ADCY8: variants seen among roughly 807,000 people sequenced by gnomAD.
ADCY8 encodes the protein adenylate cyclase type 8.
A neutral mutation model predicts 119.7 loss-of-function variants in ADCY8; 51 were observed. The ratio of observed to expected loss-of-function variants is 0.43; its 90% CI spans 0.34 to 0.54. ADCY8 has a LOEUF of 0.54. Among genes scored for constraint, ADCY8 ranks in the 20% least tolerant of loss-of-function variants. ADCY8 has a pLI of 0.03. For synonymous variants in ADCY8, 665 were observed against 651.0 expected (o/e 1.02, Z -0.33); for missense variants, 1,383 against 1,598.8 (o/e 0.87, Z 2.30).
At chr8:130,962,149 C>A (rs1412678228) in intron 2 of ADCY8, among the ~76,000 whole-genome samples, 1 of 152,174 alleles carries the variant, frequency 6.6e-6, no homozygotes, top group African/African-American at 2.4e-5. Flanking sequence ...CCCAGCTCCT[C>A]CCTCTGTAAA....
At chr8:130,807,646 T>C (rs1816008847) in intron 14 of ADCY8, among the ~76,000 whole-genome samples, 1 of 152,168 alleles carries the variant, frequency 6.6e-6, no homozygotes, top group South Asian at 2.1e-4. Context: ...TCTTGGACTT[T>C]CCATTCTCCA....
At chr8:131,010,084 C>T (rs1823252583) in intron 1 of ADCY8, among the ~76,000 whole-genome samples, 2 of 152,240 alleles carry the variant, frequency 1.3e-5, no homozygotes, top group Non-Finnish European at 1.5e-5. Flanking sequence ...GCTCACCTAA[C>T]TTGCCCAAGA....
chr8:130,930,561 A>AT (rs1820603743), intron 5 of ADCY8, among the ~76,000 whole-genome samples: 1 of 151,754 alleles, frequency 6.6e-6, no homozygotes, highest in African/African-American at 2.4e-5. Flanking sequence ...TCTTGCTTCT[A>AT]TTTTTTGTGT....
chr8:130,842,084 T>C (rs1817163085), intron 11 of ADCY8, among the ~76,000 whole-genome samples: 1 of 152,236 alleles, frequency 6.6e-6, no homozygotes, highest in Admixed American at 6.5e-5. Context: ...GGTGCTCTAG[T>C]ACACTCCTAG....
At chr8:130,877,686 A>C (rs998790615) in intron 8 of ADCY8, among the ~76,000 whole-genome samples, 4 of 152,196 alleles carry the variant, frequency 2.6e-5, no homozygotes, top group Non-Finnish European at 4.4e-5. Flanking sequence ...GAGAGAAACA[A>C]TCCTTATCTT....
At chr8:130,883,261 G>C (rs577807487) in intron 8 of ADCY8, among the ~76,000 whole-genome samples, 38 of 152,290 alleles carry the variant, frequency 2.5e-4, no homozygotes, top group African/African-American at 8.4e-4. Flanking sequence ...AAAGCAATCT[G>C]CTCTTCATCC....
At chr8:131,038,305 A>G (rs568644904) in intron 1 of ADCY8, among the ~76,000 whole-genome samples, 9 of 152,308 alleles carry the variant, frequency 5.9e-5, no homozygotes, top group Admixed American at 5.2e-4. Context: ...GAGGCTAACG[A>G]CAGAGCAGGC....
intron 8 of ADCY8, among the ~76,000 whole-genome samples, chr8:130,876,103 T>G (rs1451532711): frequency 6.6e-6 from 1 of 151,922 alleles, no homozygotes; most frequent in Admixed American, 6.6e-5. Context: ...CAGGCTGGAG[T>G]GCAGTGGTGC....
chr8:130,885,343 G>A (rs1262412867), intron 7 of ADCY8, among the ~76,000 whole-genome samples: 1 of 151,806 alleles, frequency 6.6e-6, no homozygotes, highest in Non-Finnish European at 1.5e-5. Flanking sequence ...CCTCAGCATA[G>A]GCCATTATAT....
chr8:130,909,590 T>G (rs1276105817), intron 6 of ADCY8, 118 bp downstream of exon 6: 1 of 1,216,210 alleles, frequency 8.2e-7, no homozygotes, highest in Non-Finnish European at 1.2e-6. Flanking sequence ...GTGTCTGGTC[T>G]CCTTCCAAAT....
intron 15 of ADCY8, among the ~76,000 whole-genome samples, chr8:130,795,629 A>T (rs1434682945): frequency 6.6e-6 from 1 of 152,238 alleles, no homozygotes; most frequent in Admixed American, 6.5e-5. Context: ...GGGTGGACAG[A>T]CAGGCAGACG....
At chr8:130,830,237 G>A (rs1816790611) in intron 12 of ADCY8, among the ~76,000 whole-genome samples, 1 of 152,148 alleles carries the variant, frequency 6.6e-6, no homozygotes, top group Non-Finnish European at 1.5e-5. Flanking sequence ...AGACATAGAT[G>A]CTGACATTGT....
At chr8:131,021,648 A>G (rs1309696801) in intron 1 of ADCY8, among the ~76,000 whole-genome samples, 2 of 152,150 alleles carry the variant, frequency 1.3e-5, no homozygotes, top group Non-Finnish European at 2.9e-5. Flanking sequence ...TGTTCTCGTG[A>G]TAGTGAGTGA....
At chr8:130,948,102 T>C (rs1339102773) in intron 3 of ADCY8, among the ~76,000 whole-genome samples, 1 of 152,110 alleles carries the variant, frequency 6.6e-6, no homozygotes, top group African/African-American at 2.4e-5. Context: ...CAAGGGATGG[T>C]AGTTACAAAA....
chr8:130,924,938 G>A (rs903486841), intron 5 of ADCY8, among the ~76,000 whole-genome samples: 26 of 151,940 alleles, frequency 1.7e-4, no homozygotes, highest in Admixed American at 2.0e-4. Context: ...TCCGGGCACG[G>A]TGGCTCACAC....
At chr8:130,892,124 G>A (rs1472212328) in intron 7 of ADCY8, 1 of 152,090 alleles carries the variant, frequency 6.6e-6, no homozygotes, top group East Asian at 1.9e-4. Flanking sequence ...CATAGCTTCT[G>A]CCCCAGGAAA....
intron 15 of ADCY8, among the ~76,000 whole-genome samples, chr8:130,797,991 T>C (rs1815638943): frequency 6.6e-6 from 1 of 152,246 alleles, no homozygotes; most frequent in Non-Finnish European, 1.5e-5. Context: ...TAGTGGTATG[T>C]GACTCTGGTC....
intron 12 of ADCY8, among the ~76,000 whole-genome samples, chr8:130,826,006 C>T (rs956394917): frequency 1.3e-5 from 2 of 152,178 alleles, no homozygotes; most frequent in African/African-American, 4.8e-5. Flanking sequence ...AGTTGGAGAC[C>T]TCCTAGGGTT....
chr8:131,021,315 A>G (rs1425620282), intron 1 of ADCY8, among the ~76,000 whole-genome samples: 1 of 152,214 alleles, frequency 6.6e-6, no homozygotes, highest in South Asian at 2.1e-4. Context: ...TATGGCTTCC[A>G]TCTCTCCTCA....
Sources: allele counts gnomAD v4.1 joint callset (sites outside exome capture counted in the v4.1 genomes callset), GRCh38; gene constraint gnomAD v4.1.1; transcripts MANE v1.5; gene names NCBI Gene and HGNC (gene_info 2026-07-23, HGNC 2026-07-21).